The following MAPK10 variants were observed in gnomAD, a reference collection of about 807,000 sequenced individuals.
The protein encoded by MAPK10 is JNK3 alpha protein kinase.
Under a neutral mutation model 59.3 loss-of-function variants are expected in MAPK10, and 25 were observed. The ratio of observed to expected loss-of-function variants is 0.42; its 90% CI spans 0.31 to 0.59. MAPK10 has a LOEUF of 0.59. Ranked by LOEUF, MAPK10 falls within the 20% of genes least tolerant of loss-of-function variation. MAPK10 has a pLI of 0.15. For synonymous variants in MAPK10, 190 were observed against 200.5 expected (o/e 0.95, Z 0.44); for missense variants, 351 against 568.9 (o/e 0.62, Z 3.90).
chr4:86,426,977 G>T (rs1747361672), intron 1 of MAPK10, among the ~76,000 whole-genome samples: 1 of 151,904 alleles, frequency 6.6e-6, no homozygotes, highest in South Asian at 2.1e-4. Context: ...TAAAGCTATG[G>T]CCGGGCGCAG....
At chr4:86,070,648 T>A (rs993391402) in intron 9 of MAPK10, among the ~76,000 whole-genome samples, 1 of 150,790 alleles carries the variant, frequency 6.6e-6, no homozygotes, top group Non-Finnish European at 1.5e-5. Context: ...GGTGTTTGGT[T>A]TTTTGTTCTT....
chr4:86,570,265 A>T (rs551051801), intron 1 of MAPK10, among the ~76,000 whole-genome samples: 1 of 152,254 alleles, frequency 6.6e-6, no homozygotes, highest in Admixed American at 6.5e-5. Context: ...AAGACTTGTG[A>T]CCTAAGAATG....
At chr4:86,021,506 C>T (rs1376291556) in intron 13 of MAPK10, among the ~76,000 whole-genome samples, 2 of 152,272 alleles carry the variant, frequency 1.3e-5, no homozygotes, top group African/African-American at 2.4e-5. Flanking sequence ...TAAAGACTCT[C>T]CACGTCCTCA....
intron 4 of MAPK10, among the ~76,000 whole-genome samples, chr4:86,143,530 T>A (rs2149186100): frequency 6.6e-6 from 1 of 152,304 alleles, no homozygotes; most frequent in Admixed American, 6.5e-5. Flanking sequence ...AGTGTTCAAG[T>A]CACTGTACTA....
At chr4:86,274,572 T>C (rs940056691) in intron 2 of MAPK10, among the ~76,000 whole-genome samples, 2 of 152,000 alleles carry the variant, frequency 1.3e-5, no homozygotes, top group African/African-American at 4.8e-5. Context: ...GGACTTTACT[T>C]TCTTTTCCCT....
chr4:86,217,585 C>T (rs12650052), intron 2 of MAPK10, among the ~76,000 whole-genome samples: 21,961 of 152,092 alleles, frequency 0.14, 1,610 homozygotes, highest in African/African-American at 0.17. Context: ...AGCCATCATC[C>T]GACACACAGA....
intron 2 of MAPK10, among the ~76,000 whole-genome samples, chr4:86,328,677 A>G (rs2096079377): frequency 6.6e-6 from 1 of 152,228 alleles, no homozygotes; most frequent in African/African-American, 2.4e-5. Context: ...AGCCATAACA[A>G]AGGATGAGTT....
intron 2 of MAPK10, among the ~76,000 whole-genome samples, chr4:86,202,118 T>C (rs2082754956): frequency 6.6e-6 from 1 of 151,996 alleles, no homozygotes; most frequent in African/African-American, 2.4e-5. Flanking sequence ...TCTTATACTC[T>C]TCTTTAAGGT....
intron 11 of MAPK10, among the ~76,000 whole-genome samples, chr4:86,035,872 T>G (rs2040190401): frequency 6.6e-6 from 1 of 152,180 alleles, no homozygotes; most frequent in South Asian, 2.1e-4. Flanking sequence ...GGAATGCTGT[T>G]GGCTAGAGAT....
At chr4:86,368,638 C>T (rs1017115641) in intron 1 of MAPK10, among the ~76,000 whole-genome samples, 1 of 152,106 alleles carries the variant, frequency 6.6e-6, no homozygotes, top group African/African-American at 2.4e-5. Context: ...TACGGGTTTG[C>T]TTTTGCTTTT....
At chr4:86,047,211 A>C (rs2042658484) in intron 11 of MAPK10, among the ~76,000 whole-genome samples, 1 of 152,094 alleles carries the variant, frequency 6.6e-6, no homozygotes, top group South Asian at 2.1e-4. Context: ...TTACACACGA[A>C]TGTGTGTTAC....
chr4:86,085,779 A>C (rs1172389582), intron 9 of MAPK10, among the ~76,000 whole-genome samples: 1 of 152,216 alleles, frequency 6.6e-6, no homozygotes, highest in East Asian at 1.9e-4. Flanking sequence ...TATATCGAAG[A>C]GATATCTGCA....
intron 1 of MAPK10, among the ~76,000 whole-genome samples, chr4:86,372,560 GAAAGAAAGA>G (rs1228142235): frequency 8.2e-4 from 10 of 12,218 alleles, no homozygotes; most frequent in Non-Finnish European, 1.7e-3. Flanking sequence ...AAGAAAGAAA[GAAAGAAAGA>G]AAAGAAAAGA....
chr4:86,348,416 G>A (rs1213339066), intron 2 of MAPK10, among the ~76,000 whole-genome samples: 1 of 152,114 alleles, frequency 6.6e-6, no homozygotes, highest in Non-Finnish European at 1.5e-5. Flanking sequence ...CATGAAGTAG[G>A]CACTCTATAA....
chr4:86,374,272 G>C (rs1298140153), intron 1 of MAPK10, among the ~76,000 whole-genome samples: 1 of 152,126 alleles, frequency 6.6e-6, no homozygotes, highest in East Asian at 1.9e-4. Context: ...GGGGGACTAG[G>C]GGAGGGATAG....
chr4:86,024,571 CTG>C (rs1434192434), intron 13 of MAPK10: 1 of 152,194 alleles, frequency 6.6e-6, no homozygotes, highest in Non-Finnish European at 1.5e-5. Flanking sequence ...TTCATTTCTC[CTG>C]TCTTCCACAA....
intron 1 of MAPK10, among the ~76,000 whole-genome samples, chr4:86,452,381 CAA>C (rs1750816804): frequency 6.6e-6 from 1 of 152,090 alleles, no homozygotes; most frequent in Non-Finnish European, 1.5e-5. Context: ...TCTAAGCATG[CAA>C]GAGAGAGAAA....
chr4:86,207,444 CTGTAGCCT>C (rs1226834356), intron 2 of MAPK10, among the ~76,000 whole-genome samples: 1 of 152,170 alleles, frequency 6.6e-6, no homozygotes, highest in African/African-American at 2.4e-5. Context: ...GTTTTGGTTA[CTGTAGCCT>C]TGTAGGATAG....
chr4:86,564,914 T>C (rs1423404000), intron 1 of MAPK10, among the ~76,000 whole-genome samples: 1 of 152,098 alleles, frequency 6.6e-6, no homozygotes, highest in Non-Finnish European at 1.5e-5. Flanking sequence ...CGGGGGAAGT[T>C]CAAGGGCCTC....
Sources: gnomAD v4.1 joint callset for allele counts (sites outside exome capture counted in the v4.1 genomes callset) on GRCh38, gnomAD v4.1.1 for gene constraint, MANE v1.5 for transcripts, NCBI Gene and HGNC (gene_info 2026-07-23, HGNC 2026-07-21) for gene names.